MPPE1: variants seen among roughly 807,000 people sequenced by gnomAD.
The protein encoded by MPPE1 is metallo phosphoesterase.
In MPPE1, 28 loss-of-function variants were observed where a neutral mutation model predicts 43.8. The observed-to-expected ratio is 0.64, with a 90% CI of 0.47 to 0.88. The LOEUF (loss-of-function observed/expected upper bound fraction) is 0.88. Ranked by LOEUF, MPPE1 falls within the 40% of genes least tolerant of loss-of-function variation. The probability of loss-of-function intolerance (pLI) is 0.00; values close to 1 mark genes in which losing one functional copy is unlikely to be tolerated. For synonymous variants in MPPE1, 159 were observed against 188.5 expected (o/e 0.84, Z 1.28); for missense variants, 428 against 492.2 (o/e 0.87, Z 1.23).
chr18:11,888,515 C>T (rs2037598743), intron 6 of MPPE1, among the ~76,000 whole-genome samples, 154 bp downstream of exon 6: 1 of 152,030 alleles, frequency 6.6e-6, no homozygotes, highest in African/African-American at 2.4e-5. Flanking sequence ...ATGGTGAGCA[C>T]CAGCAAGGAC....
chr18:11,889,468 C>A lies in MPPE1; in HGVS notation c.413G>T (p.Arg138Leu). The A allele has an allele frequency of 1.2e-6, 2 of 1,613,018 alleles. No homozygotes were observed. The highest frequency in any genetic ancestry group is 1.7e-6 in the Non-Finnish European group (2 of 1,179,522). Residue 138 changes from arginine (R) to leucine (L), a missense_variant, in exon 5 of 11, where the codon CGG becomes CTG. Around this residue, in one of 3 missense-constraint regions of MPPE1, gnomAD observed 379 missense variants for 402.5 expected, o/e 0.94. Transcript: ENST00000588072. ...TGGGTGTCTGAACATTTTCTGAAAC[C>A]GCTCCACATCATCCGCCCAGGCCTG... ...TPEAWADDVERFQKMFRHPSH... is the reference protein window; with the variant it reads ...TPEAWADDVELFQKMFRHPSH...
chr18:11,890,421 T>C (rs2037873164), intron 4 of MPPE1, among the ~76,000 whole-genome samples: 1 of 152,174 alleles, frequency 6.6e-6, no homozygotes, highest in Non-Finnish European at 1.5e-5. Flanking sequence ...GTGATTCTTA[T>C]GCCTCAGTCA....
chr18:11,900,002 A>G (rs1338760608), intron 2 of MPPE1, among the ~76,000 whole-genome samples: 1 of 152,128 alleles, frequency 6.6e-6, no homozygotes, highest in East Asian at 1.9e-4. Flanking sequence ...ACCTGACATC[A>G]GGAGTTCGAG....
chr18:11,894,431 C>CAAAAAAAAAAAAAAAAA (rs66687820), intron 3 of MPPE1, among the ~76,000 whole-genome samples: 2 of 65,164 alleles, frequency 3.1e-5, no homozygotes, highest in African/African-American at 5.2e-5. Flanking sequence ...GACTCCATCT[C>CAAAAAAAAAAAAAAAAA]AAAAAAAAAA....
rs745411182 is a variant in MPPE1, at chr18:11,897,293, G to T, written c.-29C>A. Reference sequence around the variant, plus strand: ...TCAAGCAACAACAAATCCATCAAGGGTTCACCACGAGAAAACTGCAGAGCC... The same window carrying T: ...TCAAGCAACAACAAATCCATCAAGGTTTCACCACGAGAAAACTGCAGAGCC... On this transcript the variant is annotated 5_prime_UTR_variant, in exon 3 of 11. Coordinates refer to ENST00000588072, the MANE Select transcript of MPPE1 (RefSeq NM_023075.6). 9.9e-6 allele frequency: 9 copies of T among 911,136 alleles called. No individual in the cohort carries two copies. The Admixed American group carries it at 1.2e-4, about 12-fold the overall frequency. 56.4% of individuals were successfully genotyped at this position (911,136 alleles called of 1,614,324 possible).
At chr18:11,902,442 A>T (rs1261939581) in intron 2 of MPPE1, 1 of 152,166 alleles carries the variant, frequency 6.6e-6, no homozygotes, top group East Asian at 1.9e-4. Flanking sequence ...CAGCCATTCG[A>T]TCTTACTATC....
At chr18:11,896,957 A>C in intron 3 of MPPE1, 27 bp downstream of exon 3, 1 of 1,596,270 alleles carries the variant, frequency 6.3e-7, no homozygotes. Flanking sequence ...ACAGAATTTT[A>C]GAAAGATTCC....
chr18:11,896,668 T>C (rs148306035), intron 3 of MPPE1, among the ~76,000 whole-genome samples: 2 of 152,268 alleles, frequency 1.3e-5, no homozygotes, highest in East Asian at 3.9e-4. Context: ...AGCATCTTGT[T>C]GTCATTGCGT....
chr18:11,888,591 C>T, intron 6 of MPPE1, 78 bp downstream of exon 6: 1 of 826,496 alleles, frequency 1.2e-6, no homozygotes, highest in South Asian at 1.6e-5. Flanking sequence ...GATGATAGAT[C>T]CCAGTATGGC....
Position 11,884,047 on chromosome 18 carries a change from C to T in MPPE1, c.*398G>A. The stretch of plus-strand genomic sequence containing the variant: ...GTACATAGGAATTTGAGAACCACTT[C>T]ACAGGAAGAGGGAAACAGCCCAATA... On this transcript the variant is annotated 3_prime_UTR_variant, in exon 11 of 11. Coordinates refer to ENST00000588072, the MANE Select transcript of MPPE1 (RefSeq NM_023075.6). 1 of 175,382 alleles carries T rather than the reference C, an allele frequency of 5.7e-6. No individual in the cohort carries two copies. Among genetic ancestry groups the T allele is most frequent in the East Asian group, 1.5e-4 (1 of 6,594 alleles). 10.9% of individuals were successfully genotyped at this position (175,382 alleles called of 1,614,324 possible).
intron 2 of MPPE1, among the ~76,000 whole-genome samples, chr18:11,899,087 G>C (rs1281830652): frequency 6.8e-6 from 1 of 146,954 alleles, no homozygotes; most frequent in Non-Finnish European, 1.5e-5. Flanking sequence ...TTGTTTTTTT[G>C]TATTTTTAGT....
At chr18:11,895,953 G>A (rs560681728) in intron 3 of MPPE1, among the ~76,000 whole-genome samples, 4 of 152,158 alleles carry the variant, frequency 2.6e-5, no homozygotes, top group East Asian at 1.9e-4. Context: ...GCTACTTGGC[G>A]AGACCAGACA....
intron 1 of MPPE1, among the ~76,000 whole-genome samples, chr18:11,906,526 G>T (rs2039726088): frequency 6.6e-6 from 1 of 152,108 alleles, no homozygotes. Flanking sequence ...CCCAACATGT[G>T]TGAATAATCA....
At position 11,884,171 on chromosome 18, in the gene MPPE1, AGCATTTACATACT is replaced by A. The variant is rs1228153371; in HGVS notation, c.*261_*273del. The A allele has an allele frequency of 3.0e-6, 1 of 332,374 alleles. No homozygotes were observed. The highest frequency in any genetic ancestry group is 2.1e-5 in the African/African-American group (1 of 48,046). 20.6% of individuals were successfully genotyped at this position (332,374 alleles called of 1,614,324 possible). Reference sequence around the variant, plus strand: ...CGTGCATGTGAGTGACGACATTAATAGCATTTACATACTGTACAGATGCAACCTTTGATGATAC... The same window carrying A: ...CGTGCATGTGAGTGACGACATTAATAGTACAGATGCAACCTTTGATGATAC... On this transcript the variant is annotated 3_prime_UTR_variant, in exon 11 of 11. Transcript: ENST00000588072.
intron 3 of MPPE1, among the ~76,000 whole-genome samples, chr18:11,893,948 T>C (rs988705118): frequency 5.9e-5 from 9 of 152,228 alleles, no homozygotes; most frequent in Non-Finnish European, 1.3e-4. Context: ...GAGGAGATTA[T>C]TGTATCTAGC....
intron 4 of MPPE1, among the ~76,000 whole-genome samples, chr18:11,892,299 C>T (rs2038077256): frequency 1.3e-5 from 2 of 150,818 alleles, no homozygotes; most frequent in Admixed American, 6.6e-5. Flanking sequence ...AAAATCACAC[C>T]ACTGCACTGC....
chr18:11,892,058 G>A (rs1598520932), intron 4 of MPPE1, among the ~76,000 whole-genome samples: 1 of 152,136 alleles, frequency 6.6e-6, no homozygotes, highest in East Asian at 1.9e-4. Flanking sequence ...CCTTGGACTA[G>A]GTCTGGCGCA....
intron 5 of MPPE1, among the ~76,000 whole-genome samples, chr18:11,889,112 T>C (rs1003692044): frequency 6.6e-6 from 1 of 152,250 alleles, no homozygotes; most frequent in Non-Finnish European, 1.5e-5. Context: ...TCTTGGTTTT[T>C]CGTTCCCAAA....
intron 3 of MPPE1, among the ~76,000 whole-genome samples, chr18:11,896,010 C>T (rs983661093): frequency 6.6e-6 from 1 of 151,996 alleles, no homozygotes; most frequent in Non-Finnish European, 1.5e-5. Context: ...GGCCCCCCAC[C>T]GGCCCTTCTT....
Sources: gnomAD v4.1 joint callset for allele counts (sites outside exome capture counted in the v4.1 genomes callset) on GRCh38, gnomAD v4.1.1 for gene constraint, gnomAD v4.1.1 regional missense constraint, MANE v1.5 for transcripts, NCBI Gene and HGNC (gene_info 2026-07-23, HGNC 2026-07-21) for gene names.